DCAF16: variants seen among roughly 807,000 people sequenced by gnomAD.
DCAF16 encodes DDB1- and CUL4-associated factor 16.
In DCAF16, 10 loss-of-function variants were observed where a neutral mutation model predicts 17.3. That is an observed-to-expected ratio of 0.58 (90% CI 0.36 to 0.98). DCAF16 has a LOEUF of 0.98. Among genes scored for constraint, DCAF16 ranks in the 50% least tolerant of loss-of-function variants. The pLI, the probability that DCAF16 is intolerant of heterozygous loss-of-function variation, is 0.01. For missense variants in DCAF16, 249 were observed against 247.6 expected, an observed-to-expected ratio of 1.01 and a Z score of -0.04; for synonymous variants, 111 against 92.8, an observed-to-expected ratio of 1.20 and a Z score of -1.12.
chr4:17,807,813 C>G (rs1720467027), intron 1 of DCAF16, among the ~76,000 whole-genome samples: 1 of 152,132 alleles, frequency 6.6e-6, no homozygotes, highest in Non-Finnish European at 1.5e-5. Flanking sequence ...GGGGGGATTT[C>G]CAAAATCAAA....
chr4:17,803,679 T>C lies in DCAF16; in HGVS notation c.463A>G (p.Thr155Ala). The C allele has an allele frequency of 6.2e-7, 1 of 1,614,244 alleles. No homozygotes were observed. Among genetic ancestry groups the C allele is most frequent in the Non-Finnish European group, 8.5e-7 (1 of 1,180,048 alleles). The change falls in exon 3 of 3, where the codon ACA becomes GCA. Residue 155 changes from threonine (T) to alanine (A), a missense_variant. Coordinates refer to ENST00000382247, the MANE Select transcript of DCAF16 (RefSeq NM_017741.4). ...LQFATKQLSR[T>A]LSRATPIPEY... ...GGTATGGGAGTGGCTCTACTCAATG[T>C]TCGGCTTAGCTGTTTGGTGGCAAAT...
chr4:17,806,360 A>G (rs1169054297), intron 1 of DCAF16, among the ~76,000 whole-genome samples: 1 of 152,224 alleles, frequency 6.6e-6, no homozygotes. Context: ...GATCAAAGCC[A>G]TTCATCTAGT....
intron 1 of DCAF16, among the ~76,000 whole-genome samples, chr4:17,808,750 C>A (rs761399082): frequency 1.3e-5 from 2 of 152,196 alleles, no homozygotes; most frequent in African/African-American, 2.4e-5. Context: ...AAATACTAGC[C>A]GGGCGCGGTG....
At position 17,803,798 on chromosome 4, in the gene DCAF16, G is replaced by A. The variant is rs1431451162; in HGVS notation, c.344C>T (p.Pro115Leu). The A allele has an allele frequency of 1.2e-6, 2 of 1,614,208 alleles. No individual in the cohort carries two copies. Among genetic ancestry groups the A allele is most frequent in the Non-Finnish European group, 8.5e-7 (1 of 1,180,028 alleles). The change falls in exon 3 of 3, where the codon CCT becomes CTT. Residue 115 changes from proline (P) to leucine (L), a missense_variant. Pro to Leu is a moderately conservative substitution (Grantham distance 98). Transcript: ENST00000382247. ...AGGTGGGACTCCACAAGAGGCCAGA[G>A]GGGGCCATTCAGGAATTGGTTCCAG... ...PKLEPIPEWP[P>L]LASCGVPPFQ...
chr4:17,803,591 T>A lies in DCAF16; in HGVS notation c.551A>T (p.Lys184Ile), dbSNP rs768413375. Residue 184 changes from lysine (K) to isoleucine (I), a missense_variant, in exon 3 of 3, where the codon AAA becomes ATA. Lys to Ile is a moderately radical substitution (Grantham distance 102, BLOSUM62 -3). Transcript: ENST00000382247. ...VSGCCCGWLTKTVKETTRTEP... is the reference protein window; with the variant it reads ...VSGCCCGWLTITVKETTRTEP... Reference sequence around the variant, plus strand: ...AGTACGAGTTGTTTCCTTAACTGTTTTAGTCAGCCAGCCACAGCAACACCC... The same window carrying A: ...AGTACGAGTTGTTTCCTTAACTGTTATAGTCAGCCAGCCACAGCAACACCC... 1 of 1,614,214 alleles carries A rather than the reference T, an allele frequency of 6.2e-7. No individual in the cohort carries two copies. Among genetic ancestry groups the A allele is most frequent in the East Asian group, 2.2e-5 (1 of 44,890 alleles).
rs978519556 is a variant in DCAF16, at chr4:17,804,568, A to T, written c.-427T>A. On this transcript the variant is annotated 5_prime_UTR_variant, in exon 3 of 3. Transcript: ENST00000382247. ...CTGGCAGTGATATTATATCTACTTG[A>T]CAATCAAAAGAAGCTCAGTAGTTGT... The T allele has an allele frequency of 1.1e-5, 2 of 186,176 alleles. No homozygotes were observed. Among genetic ancestry groups the T allele is most frequent in the Non-Finnish European group, 2.5e-5 (2 of 79,374 alleles). 11.5% of individuals were successfully genotyped at this position (186,176 alleles called of 1,614,324 possible). A position where few individuals can be genotyped will look rare whatever the true frequency, so the allele number is the denominator to read the frequency against.
At chr4:17,796,627 A>C (rs1719439029), downstream of DCAF16, among the ~76,000 whole-genome samples, 1 of 152,198 alleles carries the variant, frequency 6.6e-6, no homozygotes, top group Non-Finnish European at 1.5e-5. Context: ...AAATTGCTTG[A>C]ACACAGGAGG....
In DCAF16 at chr4:17,805,089, T is replaced by G. The variant is rs1157158521; in HGVS notation, c.-631+18A>C. On this transcript the variant is annotated intron_variant, in intron 2 of 2. Transcript: ENST00000382247. ...CCAAATAGAGAGCTATAAAAGTTTT[T>G]TTTTTTTTTTTTTTTACCTTCAGAG... The G allele has an allele frequency of 6.6e-6, 1 of 151,446 alleles. No homozygotes were observed. Among genetic ancestry groups the G allele is most frequent in the African/African-American group, 2.4e-5 (1 of 41,224 alleles). 9.4% of individuals were successfully genotyped at this position (151,446 alleles called of 1,614,324 possible).
the DCAF16 span, among the ~76,000 whole-genome samples, chr4:17,795,434 G>T: frequency 6.6e-6 from 1 of 151,486 alleles, no homozygotes; most frequent in Non-Finnish European, 1.5e-5. Context: ...TCCGGGAAAT[G>T]TTATTTTAAT....
At chr4:17,806,448 T>C (rs1244159959) in intron 1 of DCAF16, among the ~76,000 whole-genome samples, 1 of 152,096 alleles carries the variant, frequency 6.6e-6, no homozygotes, top group Non-Finnish European at 1.5e-5. Context: ...CCAGCAATAC[T>C]AACTAGACCA....
intron 1 of DCAF16, among the ~76,000 whole-genome samples, chr4:17,806,927 G>T (rs1394405604): frequency 3.3e-5 from 5 of 151,954 alleles, no homozygotes; most frequent in African/African-American, 1.2e-4. Context: ...AAGGGTGAAT[G>T]GATATGTTTA....
rs1308485573 is a variant in DCAF16 at position 17,803,165 on chromosome 4, C to T, written c.*326G>A. ...TCAGCCTCCCGAGTAGCAGGGATTA[C>T]AGGCGTGCACTGCTGCGCCCGGCTA... is the stretch of plus-strand genomic sequence containing the variant. On this transcript the variant is annotated 3_prime_UTR_variant, in exon 3 of 3. Transcript: ENST00000382247. 1.2e-5 allele frequency: 3 copies of T among 250,402 alleles called. No homozygotes were observed. Among genetic ancestry groups the T allele is most frequent in the African/African-American group, 4.5e-5 (2 of 44,146 alleles). The allele number at this position is 250,402 out of a possible 1,614,324, so 15.5% of individuals were successfully genotyped here. A position where few individuals can be genotyped will look rare whatever the true frequency, so the allele number is the denominator to read the frequency against.
At chr4:17,808,426 T>A (rs1334286554) in intron 1 of DCAF16, among the ~76,000 whole-genome samples, 1 of 152,190 alleles carries the variant, frequency 6.6e-6, no homozygotes, top group African/African-American at 2.4e-5. Flanking sequence ...TTAAAAAGGC[T>A]CTTACTTTCC....
rs139126691 is a variant in DCAF16 at position 17,806,288 on chromosome 4, T to C, written c.-749-1063A>G. On this transcript the variant is annotated intron_variant, in intron 1 of 2. Transcript: ENST00000382247. ...CAAATGTTAACTATTTTAAAATTCT[T>C]CTAACAACCCTAAAAGTTGGTACTT... Among the ~76,000 whole-genome samples the C allele has an allele frequency of 5.5e-3, 845 of 152,314 alleles. 4 individuals carry two copies. Among genetic ancestry groups the C allele is most frequent in the African/African-American group, 0.019 (809 of 41,552 alleles).
At chr4:17,800,470 A>G (rs1245945798), downstream of DCAF16, among the ~76,000 whole-genome samples, 1 of 149,180 alleles carries the variant, frequency 6.7e-6, no homozygotes, top group Non-Finnish European at 1.5e-5. Flanking sequence ...TCTTGACTGA[A>G]TATCAGACAT....
downstream of DCAF16, among the ~76,000 whole-genome samples, chr4:17,798,068 T>C (rs746100089): frequency 6.6e-6 from 1 of 152,204 alleles, no homozygotes; most frequent in Non-Finnish European, 1.5e-5. Context: ...TCAGTTTTAA[T>C]CTTGTTAAGC....
downstream of DCAF16, among the ~76,000 whole-genome samples, chr4:17,797,956 T>G (rs1196273654): frequency 6.6e-6 from 1 of 152,220 alleles, no homozygotes; most frequent in Non-Finnish European, 1.5e-5. Flanking sequence ...CAAATAAAAC[T>G]ATAGTACCAG....
Position 17,804,266 on chromosome 4 carries a change from T to C in DCAF16, c.-125A>G. On this transcript the variant is annotated 5_prime_UTR_variant, in exon 3 of 3. Coordinates refer to ENST00000382247, the MANE Select transcript of DCAF16 (RefSeq NM_017741.4). The stretch of plus-strand genomic sequence containing the variant: ...TCACCAAGATTAATTTGTCTTTCAG[T>C]CCGTTACACACATAAAGTATGCTTG... The C allele has an allele frequency of 1.3e-6, 1 of 776,462 alleles. No homozygotes were observed. The highest frequency in any genetic ancestry group is 2.1e-6 in the Non-Finnish European group (1 of 478,554). The allele number at this position is 776,462 out of a possible 1,614,324, so 48.1% of individuals were successfully genotyped here. A position where few individuals can be genotyped will look rare whatever the true frequency, so the allele number is the denominator to read the frequency against.
chr4:17,797,527 CAG>C (rs1207790335), downstream of DCAF16, among the ~76,000 whole-genome samples: 3 of 152,182 alleles, frequency 2.0e-5, no homozygotes, highest in Non-Finnish European at 1.5e-5. Flanking sequence ...AGTAGGTAGA[CAG>C]GGATCAATAT....
Sources: gnomAD v4.1 joint callset for allele counts (sites outside exome capture counted in the v4.1 genomes callset) on GRCh38, gnomAD v4.1.1 for gene constraint, MANE v1.5 for transcripts, NCBI Gene and HGNC (gene_info 2026-07-23, HGNC 2026-07-21) for gene names.